Variants in RIPOR2 observed in about 807,000 individuals in gnomAD.
The protein encoded by RIPOR2 is rho family-interacting cell polarization regulator 2.
In RIPOR2, 39 loss-of-function variants were observed where a neutral mutation model predicts 114.5. The observed-to-expected ratio is 0.34, with a 90% CI of 0.26 to 0.44. The LOEUF is 0.44. Among genes scored for constraint, RIPOR2 ranks in the 20% least tolerant of loss-of-function variants. RIPOR2 has a pLI of 1.00. For missense variants in RIPOR2, 1,007 were observed against 1,255.1 expected (o/e 0.80, Z 2.99); for synonymous variants, 445 against 484.4 (o/e 0.92, Z 1.07).
At chr6:24,836,451 T>C (rs79205817) in intron 14 of RIPOR2, among the ~76,000 whole-genome samples, 4,041 of 152,320 alleles carry the variant, frequency 0.027, 162 homozygotes, top group African/African-American at 0.084. Context: ...TAAACCCCCT[T>C]GTTGAACTGT....
At chr6:24,810,650 C>T (rs1172001369) in intron 20 of RIPOR2, among the ~76,000 whole-genome samples, 1 of 152,046 alleles carries the variant, frequency 6.6e-6, no homozygotes, top group Admixed American at 6.6e-5. Context: ...ATCCTTATGT[C>T]TTTATTTACT....
At chr6:24,930,482 G>T (rs1262359363) in intron 1 of RIPOR2, among the ~76,000 whole-genome samples, 1 of 152,168 alleles carries the variant, frequency 6.6e-6, no homozygotes, top group Non-Finnish European at 1.5e-5. Context: ...ATAAATCAGG[G>T]GGGTGGACTG....
At chr6:24,888,949 G>T (rs1055669234) in intron 1 of RIPOR2, among the ~76,000 whole-genome samples, 6 of 152,214 alleles carry the variant, frequency 3.9e-5, no homozygotes, top group African/African-American at 1.4e-4. Context: ...CTTGCAACAT[G>T]AAGGTAAAGC....
At chr6:24,959,196 A>G (rs141726031) in intron 1 of RIPOR2, among the ~76,000 whole-genome samples, 13 of 152,146 alleles carry the variant, frequency 8.5e-5, no homozygotes, top group African/African-American at 3.1e-4. Flanking sequence ...GTATAATTTC[A>G]TTTTAACTAA....
intron 1 of RIPOR2, among the ~76,000 whole-genome samples, chr6:25,007,306 T>C (rs1775598295): frequency 6.6e-6 from 1 of 152,162 alleles, no homozygotes; most frequent in African/African-American, 2.4e-5. Context: ...AGGAGGTAAC[T>C]TCTCTGATAT....
At chr6:24,957,697 C>T (rs1773099809) in intron 1 of RIPOR2, among the ~76,000 whole-genome samples, 1 of 152,106 alleles carries the variant, frequency 6.6e-6, no homozygotes, top group Non-Finnish European at 1.5e-5. Flanking sequence ...CATGATGAAA[C>T]CCCGTCTCCA....
intron 12 of RIPOR2, 58 bp downstream of exon 12, chr6:24,847,967 G>A: frequency 6.2e-7 from 1 of 1,604,422 alleles, no homozygotes; most frequent in Non-Finnish European, 8.5e-7. Flanking sequence ...TTCAAATGCT[G>A]GGTGCAAGCA....
chr6:24,933,208 A>C (rs1401497659), intron 1 of RIPOR2, among the ~76,000 whole-genome samples: 3 of 152,228 alleles, frequency 2.0e-5, no homozygotes, highest in Non-Finnish European at 4.4e-5. Context: ...ACTATTCTAT[A>C]AACCCATTTT....
At position 24,832,361 on chromosome 6, in the gene RIPOR2, C is replaced by A; in HGVS notation, c.2239G>T (p.Val747Leu). ...AGCTTCTCTAAGAGACTTCTTGCCA[C>A]AAATGGGGTTTTGCTTGAGAAAACA... ...QIVFSSKTPF[V>L]ARSLLEKLSR... Residue 747 changes from valine (V) to leucine (L), a missense_variant, in exon 16 of 22, where the codon GTG becomes TTG. Val to Leu is a conservative substitution (Grantham distance 32). Transcript: ENST00000643898. The A allele has an allele frequency of 6.4e-7, 1 of 1,552,112 alleles. No individual in the cohort carries two copies.
At chr6:24,939,600 T>A (rs1772009486), upstream of RIPOR2, among the ~76,000 whole-genome samples, 1 of 152,188 alleles carries the variant, frequency 6.6e-6, no homozygotes, top group South Asian at 2.1e-4. Flanking sequence ...CACATTCTGA[T>A]CCCCTTCGAA....
At chr6:24,994,988 T>G (rs1774986313) in intron 1 of RIPOR2, among the ~76,000 whole-genome samples, 2 of 152,216 alleles carry the variant, frequency 1.3e-5, no homozygotes, top group Non-Finnish European at 2.9e-5. Flanking sequence ...AACCATCCTC[T>G]CTGCCATGCA....
At chr6:24,836,367 T>C (rs1327894282) in intron 14 of RIPOR2, among the ~76,000 whole-genome samples, 1 of 152,248 alleles carries the variant, frequency 6.6e-6, no homozygotes, top group Non-Finnish European at 1.5e-5. Flanking sequence ...CATGATGTTC[T>C]ACTCTGGACA....
chr6:24,853,549 C>A (rs1038345103), intron 8 of RIPOR2, among the ~76,000 whole-genome samples: 1 of 152,152 alleles, frequency 6.6e-6, no homozygotes, highest in Non-Finnish European at 1.5e-5. Context: ...ATGAAACAGA[C>A]AAGGACTTGA....
intron 1 of RIPOR2, among the ~76,000 whole-genome samples, chr6:24,979,854 A>G (rs1774220736): frequency 6.6e-6 from 1 of 152,200 alleles, no homozygotes; most frequent in African/African-American, 2.4e-5. Flanking sequence ...CCAGTCTCTT[A>G]GCTCTGCAAG....
rs369994154 is a variant in RIPOR2 at position 24,806,454 on chromosome 6, T to C, written c.3063A>G (p.Ala1021=). The change falls in exon 22 of 22, where the codon GCA becomes GCG. Residue 1021 remains alanine (A), a synonymous_variant. Transcript: ENST00000643898. ...GAGGAAATTTGTCCAATTGTTCATA[T>C]GCCAGCCGCCCATCTTCTCCTAAAT... is the stretch of plus-strand genomic sequence containing the variant. ...LLSLGEDGRL[A]YEQLDKFPRD... The C allele has an allele frequency of 1.9e-6, 3 of 1,551,714 alleles. No individual in the cohort carries two copies. The highest frequency in any genetic ancestry group is 2.6e-6 in the Non-Finnish European group (3 of 1,146,932).
At chr6:24,833,952 T>C (rs1760889699) in intron 15 of RIPOR2, among the ~76,000 whole-genome samples, 1 of 144,518 alleles carries the variant, frequency 6.9e-6, no homozygotes, top group South Asian at 2.1e-4. Flanking sequence ...ATAGCTATTA[T>C]TCTCTAAAAG....
chr6:25,005,738 T>TATATACACACATATACAC (rs34572978), intron 1 of RIPOR2, among the ~76,000 whole-genome samples: 1 of 70,700 alleles, frequency 1.4e-5, no homozygotes, highest in Non-Finnish European at 3.3e-5. Context: ...TATATATATA[T>TATATACACACATATACAC]ATACATTTAC....
intron 1 of RIPOR2, chr6:24,931,794 GC>G (rs1771410096): frequency 6.6e-6 from 1 of 152,206 alleles, no homozygotes; most frequent in Admixed American, 6.5e-5. Context: ...ACTGAGCAGT[GC>G]TGAAAATGGA....
intron 1 of RIPOR2, among the ~76,000 whole-genome samples, chr6:24,960,355 G>A (rs1773245840): frequency 6.6e-6 from 1 of 152,192 alleles, no homozygotes; most frequent in African/African-American, 2.4e-5. Context: ...GTCCTCACAT[G>A]GAGAAGGGAT....
Sources: allele counts gnomAD v4.1 joint callset (sites outside exome capture counted in the v4.1 genomes callset), GRCh38; gene constraint gnomAD v4.1.1; transcripts MANE v1.5; gene names NCBI Gene and HGNC (gene_info 2026-07-23, HGNC 2026-07-21).